The following AHRR variants were observed in gnomAD, a reference collection of about 807,000 sequenced individuals.
The protein encoded by AHRR is aryl hydrocarbon receptor repressor.
Under a neutral mutation model 44.0 loss-of-function variants are expected in AHRR, and 28 were observed. That is an observed-to-expected ratio of 0.64 (90% CI 0.47 to 0.87). The LOEUF (loss-of-function observed/expected upper bound fraction) is 0.87. Among genes scored for constraint, AHRR ranks in the 40% least tolerant of loss-of-function variants. The probability of loss-of-function intolerance (pLI) is 0.00; values close to 1 mark genes in which losing one functional copy is unlikely to be tolerated. For synonymous variants in AHRR, 434 were observed against 407.0 expected (o/e 1.07, Z -0.80); for missense variants, 990 against 953.9 (o/e 1.04, Z -0.50).
At position 409,236 on chromosome 5, in the gene AHRR, T is replaced by C. The variant is rs150861842; in HGVS notation, c.352-4108T>C. On this transcript the variant is annotated intron_variant, in intron 4 of 10. Coordinates refer to ENST00000684583, the MANE Select transcript of AHRR (RefSeq NM_001377236.1). Reference sequence around the variant, plus strand: ...TGCAATTTGTTTATCCATTATCCGATTGATAGTTATTTGGGTTATTTGTAG... The same window carrying C: ...TGCAATTTGTTTATCCATTATCCGACTGATAGTTATTTGGGTTATTTGTAG... 4.5e-3 allele frequency among the ~76,000 whole-genome samples: 689 copies of C among 152,354 alleles called. 7 individuals are homozygous for C. The highest frequency in any genetic ancestry group is 0.015 in the African/African-American group (613 of 41,578).
In AHRR at chr5:416,984, G is replaced by C. The variant is rs534622702; in HGVS notation, c.441+3551G>C. ...GAAGGCCGCTTGGTCTGTATGTGCAGGGCCCGAGTCTAGAGAAGGCGGCTT... is the reference window on the plus strand; with the variant it reads ...GAAGGCCGCTTGGTCTGTATGTGCACGGCCCGAGTCTAGAGAAGGCGGCTT... On this transcript the variant is annotated intron_variant, in intron 5 of 10. Transcript: ENST00000684583. Among the ~76,000 whole-genome samples, 3 of 151,258 alleles carry C rather than the reference G, an allele frequency of 2.0e-5. 1 individual carries two copies. In the East Asian group the frequency reaches 5.9e-4, roughly 30 times the overall value.
chr5:362,968 AC>A (rs2126411866), intron 3 of AHRR, among the ~76,000 whole-genome samples: 1 of 152,354 alleles, frequency 6.6e-6, no homozygotes, highest in African/African-American at 2.4e-5. Context: ...TAATCCCAGG[AC>A]TTTTCTGGTC....
intron 4 of AHRR, among the ~76,000 whole-genome samples, chr5:384,362 C>G (rs1579648108): frequency 6.6e-6 from 1 of 152,096 alleles, no homozygotes; most frequent in South Asian, 2.1e-4. Context: ...CCACATAAAT[C>G]CTCTTACACT....
At chr5:394,673 G>A (rs1330810947) in intron 4 of AHRR, among the ~76,000 whole-genome samples, 3 of 151,976 alleles carry the variant, frequency 2.0e-5, no homozygotes, top group Admixed American at 6.6e-5. Context: ...GTCTTCGCCC[G>A]TTGCTTGGCT....
At chr5:363,154 C>T (rs1212755562) in intron 3 of AHRR, among the ~76,000 whole-genome samples, 1 of 152,222 alleles carries the variant, frequency 6.6e-6, no homozygotes, top group Non-Finnish European at 1.5e-5. Context: ...CTGGCTGCTG[C>T]CCCCTGGGTT....
chr5:416,458 A>T (rs1437717078), intron 5 of AHRR, among the ~76,000 whole-genome samples: 10 of 152,200 alleles, frequency 6.6e-5, no homozygotes, highest in Non-Finnish European at 5.9e-5. Flanking sequence ...GCTGCTGTTG[A>T]CACCACGTGA....
In AHRR at chr5:388,576, G is replaced by C. The variant is rs1734266524; in HGVS notation, c.351+11860G>C. On this transcript the variant is annotated intron_variant, in intron 4 of 10. Transcript: ENST00000684583. This position sits in a 1 kb window ranked among gnomAD's most constrained non-coding sequence, Gnocchi z 5.2. ...AAACCAGGGCGTCTGCGGTGGCCCT[G>C]AGCCGAGGCTGCTTCATGCCAGGCA... 6.6e-6 allele frequency among the ~76,000 whole-genome samples: 1 copy of C among 152,224 alleles called. No homozygotes were observed. Among genetic ancestry groups the C allele is most frequent in the South Asian group, 2.1e-4 (1 of 4,834 alleles).
At position 336,077 on chromosome 5, in the gene AHRR, C is replaced by T. The variant is rs551999360; in HGVS notation, c.-10-7816C>T. On this transcript the variant is annotated intron_variant, in intron 1 of 10. Coordinates refer to ENST00000684583, the MANE Select transcript of AHRR (RefSeq NM_001377236.1). ...AACTAGGATGGAGAATGGTGTCTTG[C>T]TCTAGCTGCTTAAATTTCAGAAAGG... Among the ~76,000 whole-genome samples the T allele has an allele frequency of 9.8e-5, 15 of 152,366 alleles. No individual in the cohort carries two copies. The South Asian group carries it at 3.1e-3, about 32-fold the overall frequency.
chr5:380,855 T>C (rs955921714), intron 4 of AHRR, among the ~76,000 whole-genome samples: 4 of 152,182 alleles, frequency 2.6e-5, no homozygotes, highest in Admixed American at 1.3e-4. Context: ...AGTTTCACAA[T>C]AGGCTGTCTG....
At chr5:403,979 C>G (rs1289625727) in intron 4 of AHRR, 1 of 1,244,384 alleles carries the variant, frequency 8.0e-7, no homozygotes, top group Non-Finnish European at 1.2e-6. Flanking sequence ...TCTACATTTT[C>G]TGCTTTCTTT....
chr5:360,159 A>C (rs556793477), intron 3 of AHRR, among the ~76,000 whole-genome samples: 1 of 152,156 alleles, frequency 6.6e-6, no homozygotes, highest in Non-Finnish European at 1.5e-5. Flanking sequence ...TGATAGGACC[A>C]GTGTCCTTAA....
At chr5:343,724 G>C in intron 1 of AHRR, 169 bp from the exon 2 acceptor site, 1 of 622,722 alleles carries the variant, frequency 1.6e-6, no homozygotes, top group Non-Finnish European at 2.7e-6. Context: ...GGGTGCTGGA[G>C]AGCAGGGGTC....
At chr5:430,810 C>T (rs551391574) in intron 8 of AHRR, among the ~76,000 whole-genome samples, 21 of 152,278 alleles carry the variant, frequency 1.4e-4, no homozygotes, top group African/African-American at 4.8e-4. Context: ...GGCCAGGACA[C>T]GGGTCAGCCT....
intron 5 of AHRR, chr5:421,329 A>G: frequency 1.4e-6 from 1 of 694,692 alleles, no homozygotes; most frequent in Non-Finnish European, 2.6e-6. Flanking sequence ...GATGCGGGGC[A>G]GGGGGATGCC....
rs1187108889 is a variant in AHRR, at chr5:434,137, G to C, written c.1397G>C (p.Arg466Thr). ...AGTGCCTACTCCAGCCGGACCAGCA[G>C]ACCCATGCGGGATGTCGGTGAGGAC... ...SPSAYSSRTS[R>T]PMRDVGEDQV... The change falls in exon 11 of 11, where the codon AGA becomes ACA. Residue 466 changes from arginine to threonine, a missense_variant. Physicochemically the swap from Arg to Thr is moderately conservative, Grantham distance 71. Coordinates refer to ENST00000684583, the MANE Select transcript of AHRR (RefSeq NM_001377236.1). The C allele has an allele frequency of 7.4e-6, 12 of 1,611,506 alleles. 1 individual carries two copies. The South Asian group carries it at 1.1e-4, about 15-fold the overall frequency.
Position 435,166 on chromosome 5 carries a change from C to G in AHRR, c.*332C>G. 3.4e-6 allele frequency: 1 copy of G among 292,712 alleles called. No individual in the cohort carries two copies. The highest frequency in any genetic ancestry group is 6.4e-6 in the Non-Finnish European group (1 of 155,596). The allele number at this position is 292,712 out of a possible 1,614,324, so 18.1% of individuals were successfully genotyped here. Reference sequence around the variant, plus strand: ...CAGCGAGCACCCGTCCCATGGCTGCCAAGTCCACAGTCGGGGATGAAGCAG... The same window carrying G: ...CAGCGAGCACCCGTCCCATGGCTGCGAAGTCCACAGTCGGGGATGAAGCAG... On this transcript the variant is annotated 3_prime_UTR_variant, in exon 11 of 11. Transcript: ENST00000684583.
rs1392944825 is a variant in AHRR, at chr5:422,789, T to C, written c.502T>C (p.Cys168Arg). The change falls in exon 6 of 11, where the codon TGC becomes CGC. Residue 168 changes from cysteine (C) to arginine (R), a missense_variant. Cys to Arg is a radical substitution (Grantham distance 180, BLOSUM62 -3). Coordinates refer to ENST00000684583, the MANE Select transcript of AHRR (RefSeq NM_001377236.1). The stretch of plus-strand genomic sequence containing the variant: ...CCACGTGGACGACCGCCAGGACTTC[T>C]GCCGGCAGCTCCACTGGGCCATGGA... The part of the protein sequence containing the change: ...YIHVDDRQDF[C>R]RQLHWAMDPP... 1.2e-6 allele frequency: 2 copies of C among 1,614,180 alleles called. No individual in the cohort carries two copies. Among genetic ancestry groups the C allele is most frequent in the Non-Finnish European group, 1.7e-6 (2 of 1,180,034 alleles).
At chr5:432,677 G>A (rs977343865) in intron 9 of AHRR, 129 bp from the exon 10 acceptor site, 61 of 1,533,192 alleles carry the variant, frequency 4.0e-5, no homozygotes, top group African/African-American at 5.5e-5. Context: ...GACAAGTGCC[G>A]TTCCTGGGCT....
chr5:391,045 C>T (rs968428999), intron 4 of AHRR, among the ~76,000 whole-genome samples: 2 of 40,090 alleles, frequency 5.0e-5, no homozygotes, highest in African/African-American at 1.3e-4. Context: ...GCAGAACATC[C>T]TCAGACAGAC....
Sources: gnomAD v4.1 joint callset for allele counts (sites outside exome capture counted in the v4.1 genomes callset) on GRCh38, gnomAD v4.1.1 for gene constraint, Gnocchi (gnomAD v3.1) non-coding constraint, MANE v1.5 for transcripts, NCBI Gene and HGNC (gene_info 2026-07-23, HGNC 2026-07-21) for gene names.